The following STK32B variants were observed in gnomAD, a reference collection of about 807,000 sequenced individuals.
The protein encoded by STK32B is serine/threonine kinase 32B.
STK32B carries 43 observed loss-of-function variants against 52.6 expected under a neutral mutation model. That is an observed-to-expected ratio of 0.82 (90% CI 0.64 to 1.05). STK32B has a LOEUF of 1.05. Ranked by LOEUF, STK32B falls within the 50% of genes least tolerant of loss-of-function variation. STK32B has a pLI of 0.00. For missense variants in STK32B, 621 were observed against 534.6 expected, an observed-to-expected ratio of 1.16 and a Z score of -1.59; for synonymous variants, 238 against 204.3, an observed-to-expected ratio of 1.17 and a Z score of -1.41.
At position 5,329,501 on chromosome 4, in the gene STK32B, C is replaced by T. The variant is rs146422325; in HGVS notation, c.261-1719C>T. On this transcript the variant is annotated intron_variant, in intron 3 of 11. Coordinates refer to ENST00000282908, the MANE Select transcript of STK32B (RefSeq NM_018401.3). ...GTAAAGACTTTCCCAATTCCTCCCA[C>T]CCACCTTCACCTGCTAGAGCACTGG... is the stretch of plus-strand genomic sequence containing the variant. 2.0e-5 allele frequency among the ~76,000 whole-genome samples: 3 copies of T among 152,306 alleles called. 1 individual carries two copies. In the East Asian group the frequency reaches 5.8e-4, roughly 29 times the overall value.
At chr4:5,288,957 G>T (rs1020871751) in intron 3 of STK32B, among the ~76,000 whole-genome samples, 3 of 152,096 alleles carry the variant, frequency 2.0e-5, no homozygotes, top group Non-Finnish European at 4.4e-5. Context: ...ACCTTCATTC[G>T]TTGCAAATGA....
chr4:5,294,149 A>C (rs1270233088), intron 3 of STK32B, among the ~76,000 whole-genome samples: 2 of 151,818 alleles, frequency 1.3e-5, no homozygotes, highest in East Asian at 1.9e-4. Flanking sequence ...TGGTCTATAT[A>C]TCTGTTTTTG....
chr4:5,483,743 C>T (rs1397803017), intron 11 of STK32B, among the ~76,000 whole-genome samples: 1 of 152,102 alleles, frequency 6.6e-6, no homozygotes, highest in Non-Finnish European at 1.5e-5. Context: ...GAACTTCCCT[C>T]TACACACTGC....
At chr4:5,176,459 T>TTTTG (rs1158587386) in intron 3 of STK32B, among the ~76,000 whole-genome samples, 2 of 150,878 alleles carry the variant, frequency 1.3e-5, no homozygotes, top group Non-Finnish European at 3.0e-5. Context: ...TTTTTTTTTT[T>TTTTG]TAAGATGGAG....
At chr4:5,441,544 C>A (rs975112809) in intron 6 of STK32B, among the ~76,000 whole-genome samples, 2 of 151,360 alleles carry the variant, frequency 1.3e-5, no homozygotes, top group African/African-American at 2.4e-5. Flanking sequence ...TTGATCCTTT[C>A]AAAAAACCAG....
chr4:5,031,613 T>C, the STK32B span, among the ~76,000 whole-genome samples: 1 of 152,110 alleles, frequency 6.6e-6, no homozygotes, highest in African/African-American at 2.4e-5. Context: ...TAAATATGTT[T>C]GGAGTCTGTT....
At chr4:5,324,234 AT>A (rs1348445935) in intron 3 of STK32B, among the ~76,000 whole-genome samples, 1 of 152,184 alleles carries the variant, frequency 6.6e-6, no homozygotes, top group East Asian at 1.9e-4. Context: ...TGGGCCTGTA[AT>A]CCCAGCTACT....
intron 1 of STK32B, among the ~76,000 whole-genome samples, chr4:5,101,985 C>T (rs546600514): frequency 6.6e-6 from 1 of 152,298 alleles, no homozygotes; most frequent in East Asian, 1.9e-4. Context: ...CCATTGTCCC[C>T]TCAGGTTCGT....
intron 11 of STK32B, among the ~76,000 whole-genome samples, chr4:5,492,126 G>A (rs1050062474): frequency 3.3e-5 from 5 of 152,154 alleles, no homozygotes; most frequent in African/African-American, 1.2e-4. Context: ...AAAGTCATTG[G>A]TAGCTTGATG....
At chr4:5,422,784 G>A (rs1712753663) in intron 6 of STK32B, among the ~76,000 whole-genome samples, 1 of 152,138 alleles carries the variant, frequency 6.6e-6, no homozygotes, top group Non-Finnish European at 1.5e-5. Context: ...GTGGCTATTG[G>A]AAGGAGGTGC....
At chr4:5,255,124 A>G (rs116211028) in intron 3 of STK32B, among the ~76,000 whole-genome samples, 223 of 152,266 alleles carry the variant, frequency 1.5e-3, no homozygotes, top group African/African-American at 5.2e-3. Context: ...ATGTTACTTT[A>G]AACTGAGATT....
chr4:5,026,000 C>T, the STK32B span, among the ~76,000 whole-genome samples: 2 of 152,290 alleles, frequency 1.3e-5, no homozygotes, highest in South Asian at 2.1e-4. Context: ...TCTCTTAAGC[C>T]GCCTCCCTTC....
intron 1 of STK32B, among the ~76,000 whole-genome samples, chr4:5,116,629 T>C (rs1714734313): frequency 6.6e-6 from 1 of 152,214 alleles, no homozygotes; most frequent in African/African-American, 2.4e-5. Flanking sequence ...TGGGGTCTTT[T>C]GTGGTTCCAT....
chr4:5,062,944 A>G (rs976359021), intron 1 of STK32B, among the ~76,000 whole-genome samples: 6 of 152,120 alleles, frequency 3.9e-5, no homozygotes, highest in African/African-American at 1.4e-4. Flanking sequence ...ATTCATTTTC[A>G]TTACTGTTCC....
At chr4:5,214,027 G>A (rs1055905719) in intron 3 of STK32B, among the ~76,000 whole-genome samples, 1 of 152,082 alleles carries the variant, frequency 6.6e-6, no homozygotes, top group Non-Finnish European at 1.5e-5. Flanking sequence ...ATGGTATGAG[G>A]TTCTGATTTT....
At chr4:5,475,156 T>G (rs1312672563) in intron 11 of STK32B, among the ~76,000 whole-genome samples, 1 of 152,082 alleles carries the variant, frequency 6.6e-6, no homozygotes, top group African/African-American at 2.4e-5. Context: ...GCACGGTGGC[T>G]CACACCTGTA....
Position 5,106,100 on chromosome 4 carries a change from C to T in STK32B, c.53-33805C>T, listed in dbSNP as rs1294250336. On this transcript the variant is annotated intron_variant, in intron 1 of 11. Transcript: ENST00000282908. The stretch of plus-strand genomic sequence containing the variant: ...GGGGGATCACTTGACATCAAGAGTT[C>T]GAGACCAGGCTAGCCAACACGATGA... Among the ~76,000 whole-genome samples, 4 of 151,598 alleles carry T rather than the reference C, an allele frequency of 2.6e-5. No homozygotes were observed. In the East Asian group the frequency reaches 8.0e-4, roughly 30 times the overall value.
In STK32B at chr4:5,337,075, C is replaced by G. The variant is rs1024158241; in HGVS notation, c.434+5682C>G. ...CTCACTGCAGCCTCAACCTTCTGGGCTCAAGTGATCCTCCCACCTCAGCCT... is the reference window on the plus strand; with the variant it reads ...CTCACTGCAGCCTCAACCTTCTGGGGTCAAGTGATCCTCCCACCTCAGCCT... On this transcript the variant is annotated intron_variant, in intron 4 of 11. Coordinates refer to ENST00000282908, the MANE Select transcript of STK32B (RefSeq NM_018401.3). 2.0e-5 allele frequency among the ~76,000 whole-genome samples: 3 copies of G among 152,036 alleles called. No homozygotes were observed. The East Asian group carries it at 5.8e-4, about 29-fold the overall frequency.
chr4:5,106,281 A>G (rs1483469172), intron 1 of STK32B, among the ~76,000 whole-genome samples: 1 of 152,144 alleles, frequency 6.6e-6, no homozygotes, highest in Non-Finnish European at 1.5e-5. Context: ...AGCCTGGATG[A>G]CAGAGTGAGA....
Sources: allele counts gnomAD v4.1 joint callset (sites outside exome capture counted in the v4.1 genomes callset), GRCh38; gene constraint gnomAD v4.1.1; transcripts MANE v1.5; gene names NCBI Gene and HGNC (gene_info 2026-07-23, HGNC 2026-07-21).